Variants in TSNARE1 observed in about 807,000 individuals in gnomAD.
TSNARE1 encodes t-SNARE domain-containing protein 1.
TSNARE1 carries 49 observed loss-of-function variants against 62.0 expected under a neutral mutation model. That is an observed-to-expected ratio of 0.79 (90% CI 0.63 to 1.00). TSNARE1 has a LOEUF of 1.00. Among genes scored for constraint, TSNARE1 ranks in the 50% least tolerant of loss-of-function variants. The pLI, the probability that TSNARE1 is intolerant of heterozygous loss-of-function variation, is 0.00. For missense variants in TSNARE1, 755 were observed against 700.1 expected, an observed-to-expected ratio of 1.08 and a Z score of -0.88; for synonymous variants, 328 against 294.4, an observed-to-expected ratio of 1.11 and a Z score of -1.17.
chr8:142,328,165 A>T (rs139090421), intron 6 of TSNARE1, among the ~76,000 whole-genome samples: 2,208 of 93,782 alleles, frequency 0.024, 44 homozygotes, highest in African/African-American at 0.093. Context: ...ATAGTTTTTT[A>T]AAAAAAAAAA....
intron 12 of TSNARE1, chr8:142,273,331 G>A (rs780937765): frequency 4.2e-5 from 41 of 985,312 alleles, no homozygotes; most frequent in Middle Eastern, 5.2e-4. Context: ...GGCCTTCTGC[G>A]TGGTGTGGCC....
chr8:142,316,910 G>A (rs1233328305), intron 7 of TSNARE1, among the ~76,000 whole-genome samples: 1 of 151,932 alleles, frequency 6.6e-6, no homozygotes, highest in Non-Finnish European at 1.5e-5. Context: ...CTGTAGGACT[G>A]GCTGAGCCAC....
chr8:142,280,813 G>C (rs1821307030), intron 11 of TSNARE1, among the ~76,000 whole-genome samples: 1 of 152,174 alleles, frequency 6.6e-6, no homozygotes, highest in South Asian at 2.1e-4. Context: ...AGGACAGAGC[G>C]ATAGGAGGGG....
intron 10 of TSNARE1, among the ~76,000 whole-genome samples, chr8:142,289,383 G>A (rs1367320963): frequency 6.6e-6 from 1 of 152,164 alleles, no homozygotes; most frequent in Non-Finnish European, 1.5e-5. Flanking sequence ...GCTGAACTCA[G>A]ATAGCAAGCC....
chr8:142,291,458 G>A lies in TSNARE1; in HGVS notation c.1291-6973C>T, dbSNP rs1297378633. Among the ~76,000 whole-genome samples, 7 of 152,126 alleles carry A rather than the reference G, an allele frequency of 4.6e-5. No individual in the cohort carries two copies. Among genetic ancestry groups the A allele is most frequent in the Non-Finnish European group, 7.3e-5 (5 of 68,040 alleles). On this transcript the variant is annotated intron_variant, in intron 10 of 13. Transcript: ENST00000524325. This position sits in a 1 kb window ranked among gnomAD's most constrained non-coding sequence, Gnocchi z 4.8. Reference sequence around the variant, plus strand: ...TAAATAATGTCAGCAGGGCCTTGTCGTTAAACACAGAGCCTCCATGGAGTC... The same window carrying A: ...TAAATAATGTCAGCAGGGCCTTGTCATTAAACACAGAGCCTCCATGGAGTC...
At chr8:142,373,546 G>A (rs144647030) in intron 1 of TSNARE1, among the ~76,000 whole-genome samples, 58 of 152,124 alleles carry the variant, frequency 3.8e-4, no homozygotes, top group South Asian at 8.3e-4. Flanking sequence ...GCAGGCCCAC[G>A]AGCTCCATGG....
chr8:142,226,253 C>G (rs1245906148), intron 13 of TSNARE1, among the ~76,000 whole-genome samples: 2 of 152,186 alleles, frequency 1.3e-5, no homozygotes, highest in Non-Finnish European at 2.9e-5. Context: ...TGGCTTGGGG[C>G]TGCACCAGTG....
chr8:142,343,306 A>G (rs1800118038), intron 4 of TSNARE1, among the ~76,000 whole-genome samples: 1 of 152,174 alleles, frequency 6.6e-6, no homozygotes, highest in South Asian at 2.1e-4. Flanking sequence ...CGGCGCTGAA[A>G]CCCAGGTCAG....
chr8:142,253,724 T>G (rs767692712), intron 12 of TSNARE1, among the ~76,000 whole-genome samples: 32 of 152,204 alleles, frequency 2.1e-4, no homozygotes, highest in Admixed American at 7.2e-4. Flanking sequence ...CATCACTTCA[T>G]CCCCAAGTGG....
At chr8:142,278,497 C>T (rs1332268717) in intron 11 of TSNARE1, 14 of 985,326 alleles carry the variant, frequency 1.4e-5, no homozygotes, top group African/African-American at 1.7e-5. Flanking sequence ...GGCTCTGCTT[C>T]GAAGGGTGTG....
chr8:142,260,440 T>G (rs375994528), intron 12 of TSNARE1, among the ~76,000 whole-genome samples: 25 of 152,078 alleles, frequency 1.6e-4, no homozygotes, highest in African/African-American at 6.0e-4. Context: ...TGGCCAGGCG[T>G]CCTCTGTCCT....
intron 13 of TSNARE1, among the ~76,000 whole-genome samples, chr8:142,224,191 G>T (rs1816670572): frequency 6.6e-6 from 1 of 152,228 alleles, no homozygotes; most frequent in Admixed American, 6.5e-5. Flanking sequence ...ACTGGCACAG[G>T]CCTGGGCGGG....
rs370569304 is a variant in TSNARE1 at position 142,276,275 on chromosome 8, C to T, written c.1364-1412G>A. The T allele has an allele frequency of 4.6e-5, 45 of 985,478 alleles. No individual in the cohort carries two copies. In the African/African-American group the frequency reaches 6.1e-4, roughly 13 times the overall value. 61.0% of individuals were successfully genotyped at this position (985,478 alleles called of 1,614,324 possible). ...CACTTGCAGACAGCCCCCAACTGAA[C>T]TCTGCTCTCTATGTCCTGCCACATT... On this transcript the variant is annotated intron_variant, in intron 11 of 13. Transcript: ENST00000524325.
At chr8:142,263,639 C>A (rs945476118) in intron 12 of TSNARE1, among the ~76,000 whole-genome samples, 3 of 152,122 alleles carry the variant, frequency 2.0e-5, no homozygotes, top group Non-Finnish European at 4.4e-5. Context: ...GTGTCTTCAC[C>A]ATGGAAAGAA....
In TSNARE1 at chr8:142,255,326, A is replaced by G. The variant is rs546516507; in HGVS notation, c.1446+19455T>C. Among the ~76,000 whole-genome samples the G allele has an allele frequency of 3.3e-5, 5 of 150,140 alleles. No homozygotes were observed. The East Asian group carries it at 1.0e-3, about 30-fold the overall frequency. ...CCATCCCTACCAGACCAGCCACATC[A>G]TTATCACCACCATCACCACCACCAC... On this transcript the variant is annotated intron_variant, in intron 12 of 13. Transcript: ENST00000524325.
intron 2 of TSNARE1, among the ~76,000 whole-genome samples, chr8:142,353,320 TCC>T (rs1304487620): frequency 1.3e-5 from 2 of 151,978 alleles, no homozygotes; most frequent in East Asian, 3.9e-4. Flanking sequence ...TCTCTCTGCC[TCC>T]TGCCCAACTC....
intron 1 of TSNARE1, among the ~76,000 whole-genome samples, chr8:142,356,499 G>A (rs754489628): frequency 3.9e-5 from 6 of 152,198 alleles, no homozygotes; most frequent in Non-Finnish European, 5.9e-5. Flanking sequence ...TCAACGCAGC[G>A]AGCAGAGAGC....
At chr8:142,219,381 G>A (rs1816095350) in intron 13 of TSNARE1, among the ~76,000 whole-genome samples, 1 of 152,186 alleles carries the variant, frequency 6.6e-6, no homozygotes, top group Non-Finnish European at 1.5e-5. Context: ...ACCACCCCCA[G>A]GCACAGCTTC....
chr8:142,348,399 C>G (rs1196258180), intron 2 of TSNARE1, among the ~76,000 whole-genome samples: 2 of 152,194 alleles, frequency 1.3e-5, no homozygotes, highest in Non-Finnish European at 2.9e-5. Context: ...AACACCTCTG[C>G]CCGTGTGTCT....
Sources: allele counts gnomAD v4.1 joint callset (sites outside exome capture counted in the v4.1 genomes callset), GRCh38; gene constraint gnomAD v4.1.1; non-coding constraint Gnocchi (gnomAD v3.1); transcripts MANE v1.5; gene names NCBI Gene and HGNC (gene_info 2026-07-23, HGNC 2026-07-21).